The following ENDOV variants were observed in gnomAD, a reference collection of about 807,000 sequenced individuals.
The protein encoded by ENDOV is endonuclease V, also known as hEndoV.
ENDOV carries 37 observed loss-of-function variants against 39.4 expected under a neutral mutation model. That is an observed-to-expected ratio of 0.94 (90% CI 0.72 to 1.23). The LOEUF is 1.23. ENDOV is among the 50% of genes most tolerant of loss of function. The pLI, the probability that ENDOV is intolerant of heterozygous loss-of-function variation, is 0.00. For synonymous variants in ENDOV, 186 were observed against 163.4 expected, an observed-to-expected ratio of 1.14 and a Z score of -1.05; for missense variants, 441 against 375.7, an observed-to-expected ratio of 1.17 and a Z score of -1.44.
At chr17:80,428,719 T>A in intron 8 of ENDOV, 59 bp downstream of exon 8, 3 of 1,493,938 alleles carry the variant, frequency 2.0e-6, no homozygotes, top group Non-Finnish European at 2.7e-6. Context: ...CTGCATGGGC[T>A]GTTTCCGGTG....
At chr17:80,430,989 C>T (rs563556140) in intron 9 of ENDOV, among the ~76,000 whole-genome samples, 136 of 152,346 alleles carry the variant, frequency 8.9e-4, no homozygotes, top group African/African-American at 3.1e-3. Context: ...CAAGCACCCC[C>T]CAGCCCTTGA....
chr17:80,425,929 T>C (rs2082640771), intron 7 of ENDOV, among the ~76,000 whole-genome samples: 1 of 152,136 alleles, frequency 6.6e-6, no homozygotes, highest in Non-Finnish European at 1.5e-5. Context: ...TCAGTGATGT[T>C]AGCTCAGGTG....
Position 80,427,954 on chromosome 17 carries a change from T to C in ENDOV, c.715-642T>C. Reference sequence around the variant, plus strand: ...TTGCTTTCCATGAGTCGTGCAGCCCTGAAGCTAATCTAAGCTCATCTGAGC... The same window carrying C: ...TTGCTTTCCATGAGTCGTGCAGCCCCGAAGCTAATCTAAGCTCATCTGAGC... On this transcript the variant is annotated intron_variant, in intron 7 of 9. Coordinates refer to ENST00000518137, the MANE Select transcript of ENDOV (RefSeq NM_173627.5). 2.7e-6 allele frequency: 3 copies of C among 1,094,136 alleles called. No individual in the cohort carries two copies. In the South Asian group the frequency reaches 4.6e-5, roughly 17 times the overall value. The allele number at this position is 1,094,136 out of a possible 1,614,324, so 67.8% of individuals were successfully genotyped here. A position where few individuals can be genotyped will look rare whatever the true frequency, so the allele number is the denominator to read the frequency against.
At chr17:80,427,260 G>A (rs767658900) in intron 7 of ENDOV, among the ~76,000 whole-genome samples, 28 of 152,306 alleles carry the variant, frequency 1.8e-4, no homozygotes, top group Non-Finnish European at 2.1e-4. Flanking sequence ...GTGGTCTTCC[G>A]AGAGAGAACC....
intron 9 of ENDOV, among the ~76,000 whole-genome samples, chr17:80,435,041 T>C (rs1293864766): frequency 6.6e-6 from 1 of 152,226 alleles, no homozygotes; most frequent in East Asian, 1.9e-4. Flanking sequence ...TTGTATATCC[T>C]CGTGAGCAAA....
Position 80,423,833 on chromosome 17 carries a change from T to G in ENDOV, c.516+201T>G, listed in dbSNP as rs1259255770. Reference sequence around the variant, plus strand: ...CTCAGCTGAGGGCGCTCTGAGCTCCTCTCCTGCCTCCTGGGTGTGCCTGCC... The same window carrying G: ...CTCAGCTGAGGGCGCTCTGAGCTCCGCTCCTGCCTCCTGGGTGTGCCTGCC... On this transcript the variant is annotated intron_variant, in intron 5 of 9. Coordinates refer to ENST00000518137, the MANE Select transcript of ENDOV (RefSeq NM_173627.5). 3 of 571,560 alleles carry G rather than the reference T, an allele frequency of 5.2e-6. No homozygotes were observed. In the African/African-American group the frequency reaches 5.7e-5, roughly 11 times the overall value. The allele number at this position is 571,560 out of a possible 1,614,324, so 35.4% of individuals were successfully genotyped here. A position where few individuals can be genotyped will look rare whatever the true frequency, so the allele number is the denominator to read the frequency against.
intron 2 of ENDOV, among the ~76,000 whole-genome samples, chr17:80,421,176 C>A (rs2081967131): frequency 6.6e-6 from 1 of 151,416 alleles, no homozygotes; most frequent in Non-Finnish European, 1.5e-5. Context: ...TCCTATGGAC[C>A]AGGTCCCGGA....
At chr17:80,432,251 A>G (rs1460454902) in intron 9 of ENDOV, among the ~76,000 whole-genome samples, 3 of 151,640 alleles carry the variant, frequency 2.0e-5, no homozygotes, top group Admixed American at 6.6e-5. Context: ...CACTCGGTAC[A>G]CTCCTAATAA....
intron 7 of ENDOV, among the ~76,000 whole-genome samples, chr17:80,426,967 C>G (rs548971686): frequency 6.6e-6 from 1 of 152,256 alleles, no homozygotes. Flanking sequence ...TGCAGCCTGC[C>G]CTGGGGCAGC....
intron 2 of ENDOV, chr17:80,417,605 A>C (rs1373064621): frequency 6.6e-6 from 1 of 151,810 alleles, no homozygotes; most frequent in East Asian, 1.9e-4. Context: ...ATGGTGATCC[A>C]CTCACCTCCC....
In ENDOV at chr17:80,425,593, G is replaced by T. The variant is rs374434149; in HGVS notation, c.687G>T (p.Arg229Ser). Residue 229 changes from arginine to serine, a missense_variant, in exon 7 of 10, where the codon AGG (arginine) becomes AGT (serine). By Grantham distance (110) the Arg-to-Ser change is moderately radical (BLOSUM62 -1). Transcript: ENST00000518137. ...AAVRLTCCCCRFRIPEPVRQA... is the reference protein window; with the variant it reads ...AAVRLTCCCCSFRIPEPVRQA... ...TGCGCCTGACTTGCTGCTGCTGCAG[G>T]TTCCGGATCCCAGAGCCCGTGCGCC... is the stretch of plus-strand genomic sequence containing the variant. 1.3e-6 allele frequency: 2 copies of T among 1,589,284 alleles called. No individual in the cohort carries two copies. Among genetic ancestry groups the T allele is most frequent in the Non-Finnish European group, 1.7e-6 (2 of 1,173,066 alleles).
Position 80,415,246 on chromosome 17 carries a change from A to C in ENDOV, c.52A>C (p.Lys18Gln), listed in dbSNP as rs372405906. The C allele has an allele frequency of 5.0e-6, 8 of 1,613,332 alleles. No individual in the cohort carries two copies. Among genetic ancestry groups the C allele is most frequent in the Admixed American group, 1.7e-5 (1 of 59,982 alleles). Reference protein sequence around the residue: ...GPPEETLSLWKREQARLKAHV... With the variant: ...GPPEETLSLWQREQARLKAHV... ...GCCGGAGGAAACGCTGTCACTGTGG[A>C]AACGGTAATGCTGTCAGGCGACGCG... The change falls in exon 1 of 10, where the codon AAA (lysine) becomes CAA (glutamine). Residue 18 changes from lysine (K) to glutamine (Q), a missense_variant. Physicochemically the swap from Lys to Gln is moderately conservative, Grantham distance 53 (BLOSUM62 1). Transcript: ENST00000518137.
chr17:80,432,857 G>A (rs188017734), intron 9 of ENDOV, among the ~76,000 whole-genome samples: 5 of 152,206 alleles, frequency 3.3e-5, no homozygotes, highest in East Asian at 1.9e-4. Context: ...CCACCTCCCC[G>A]AGGGCACTCG....
intron 9 of ENDOV, chr17:80,430,235 C>G: frequency 1.4e-6 from 2 of 1,471,006 alleles, no homozygotes; most frequent in African/African-American, 1.4e-5. Context: ...GCGCATGAGA[C>G]GCTTTCCCGG....
At chr17:80,426,210 C>A (rs893076299) in intron 7 of ENDOV, among the ~76,000 whole-genome samples, 2 of 152,172 alleles carry the variant, frequency 1.3e-5, no homozygotes, top group African/African-American at 2.4e-5. Flanking sequence ...CAGACAGCCT[C>A]GATAGGACCA....
At chr17:80,415,368 A>G (rs935363377) in intron 1 of ENDOV, 118 bp downstream of exon 1, 28 of 1,282,042 alleles carry the variant, frequency 2.2e-5, no homozygotes, top group Non-Finnish European at 2.9e-5. Flanking sequence ...CCGAGACTCC[A>G]AAGCAAAGCC....
chr17:80,426,413 C>T lies in ENDOV; in HGVS notation c.714+793C>T, dbSNP rs374779263. Among the ~76,000 whole-genome samples, 3 of 152,316 alleles carry T rather than the reference C, an allele frequency of 2.0e-5. No homozygotes were observed. The East Asian group carries it at 5.8e-4, about 29-fold the overall frequency. ...CCTGTAACCCCAACACTTTGGGAGA[C>T]AGAGGTGGGAGGATCACTTGAGCCC... On this transcript the variant is annotated intron_variant, in intron 7 of 9. Transcript: ENST00000518137.
chr17:80,423,360 C>T (rs41298732), intron 4 of ENDOV, among the ~76,000 whole-genome samples, 160 bp from the exon 5 acceptor site: 4 of 152,388 alleles, frequency 2.6e-5, no homozygotes, highest in African/African-American at 9.6e-5. Context: ...GGGCTTTCGC[C>T]CAGGTCTGCT....
chr17:80,422,135 C>A, intron 3 of ENDOV, 71 bp from the exon 4 acceptor site: 1 of 1,603,302 alleles, frequency 6.2e-7, no homozygotes, highest in Non-Finnish European at 8.5e-7. Flanking sequence ...CCCTTCTTGC[C>A]TCAGGGATGG....
Sources: allele counts gnomAD v4.1 joint callset (sites outside exome capture counted in the v4.1 genomes callset), GRCh38; gene constraint gnomAD v4.1.1; transcripts MANE v1.5; gene names NCBI Gene and HGNC (gene_info 2026-07-23, HGNC 2026-07-21).